The following ZNF610 variants were observed in gnomAD, a reference collection of about 807,000 sequenced individuals.
ZNF610 encodes zink finger protein.
ZNF610 carries 14 observed loss-of-function variants against 14.1 expected under a neutral mutation model. That is an observed-to-expected ratio of 0.99 (90% CI 0.65 to 1.55). ZNF610 has a LOEUF of 1.55. ZNF610 is among the 40% of genes most tolerant of loss of function. ZNF610 has a pLI of 0.00. For synonymous variants in ZNF610, 185 were observed against 187.6 expected, an observed-to-expected ratio of 0.99 and a Z score of 0.11; for missense variants, 530 against 558.0, an observed-to-expected ratio of 0.95 and a Z score of 0.51.
chr19:52,366,205 C>G lies in ZNF610; in HGVS notation c.827C>G (p.Ala276Gly). ...DKVFNRNSNL[A>G]RHQRIHTGEK... is the part of the protein sequence containing the mutation. ...GTGTTTAATCGCAATTCAAACCTTG[C>G]ACGACATCAAAGAATTCATACTGGA... Residue 276 changes from alanine (A) to glycine (G), a missense_variant, in exon 6 of 6, where the codon GCA becomes GGA. By Grantham distance (60) the Ala-to-Gly change is moderately conservative. Transcript: ENST00000403906. 6.2e-7 allele frequency: 1 copy of G among 1,613,828 alleles called. No homozygotes were observed. The highest frequency in any genetic ancestry group is 1.1e-5 in the South Asian group (1 of 91,014).
chr19:52,367,044 G>C lies in ZNF610; in HGVS notation c.*277G>C. 1 of 378,574 alleles carries C rather than the reference G, an allele frequency of 2.6e-6. No homozygotes were observed. The allele number at this position is 378,574 out of a possible 1,614,324, so 23.5% of individuals were successfully genotyped here. On this transcript the variant is annotated 3_prime_UTR_variant, in exon 6 of 6. Transcript: ENST00000403906. ...GAGTAGGATTCACATTTAACTGCTGGCACCGTAATTTGTAACTCTTTGATT... is the reference window on the plus strand; with the variant it reads ...GAGTAGGATTCACATTTAACTGCTGCCACCGTAATTTGTAACTCTTTGATT...
intron 5 of ZNF610, among the ~76,000 whole-genome samples, chr19:52,355,491 T>C (rs1256609331): frequency 6.6e-6 from 1 of 152,198 alleles, no homozygotes; most frequent in African/African-American, 2.4e-5. Context: ...TGTGTGGGGA[T>C]TTCTCCCCAT....
chr19:52,357,971 G>C (rs1299583597), intron 5 of ZNF610, among the ~76,000 whole-genome samples: 1 of 152,074 alleles, frequency 6.6e-6, no homozygotes. Context: ...TGTCAGCCTC[G>C]GGGTGTTCAG....
chr19:52,350,868 C>T (rs999581609), intron 3 of ZNF610, among the ~76,000 whole-genome samples: 1 of 150,540 alleles, frequency 6.6e-6, no homozygotes, highest in Non-Finnish European at 1.5e-5. Context: ...GGCATGGTGG[C>T]ACATGCCTGT....
chr19:52,353,623 C>A, intron 3 of ZNF610, 59 bp from the exon 4 acceptor site: 1 of 1,582,438 alleles, frequency 6.3e-7, no homozygotes, highest in Non-Finnish European at 8.6e-7. Flanking sequence ...TGTTTATCAA[C>A]TAAATTGAGT....
At chr19:52,357,302 A>G (rs180762589) in intron 5 of ZNF610, among the ~76,000 whole-genome samples, 48 of 152,256 alleles carry the variant, frequency 3.2e-4, no homozygotes, top group African/African-American at 1.1e-3. Flanking sequence ...GCATTACTTG[A>G]TCCCAGGAGT....
At chr19:52,361,955 C>T (rs1985804271) in intron 5 of ZNF610, among the ~76,000 whole-genome samples, 1 of 152,134 alleles carries the variant, frequency 6.6e-6, no homozygotes, top group Non-Finnish European at 1.5e-5. Context: ...AGGTCTCACT[C>T]TGTCTCCCAC....
chr19:52,353,663 A>G lies in ZNF610; in HGVS notation c.64-19A>G, dbSNP rs1313928459. ...TTTCTACATTTTTAGTGTTGTAAAC[A>G]ATGTGGTCCTCATTTTAGGGACGCT... On this transcript the variant is annotated intron_variant, in intron 3 of 5. Coordinates refer to ENST00000403906, the MANE Select transcript of ZNF610 (RefSeq NM_001161425.2). 1 of 1,613,006 alleles carries G rather than the reference A, an allele frequency of 6.2e-7. No individual in the cohort carries two copies. The highest frequency in any genetic ancestry group is 8.5e-7 in the Non-Finnish European group (1 of 1,179,470).
chr19:52,352,384 A>G (rs756465746), intron 3 of ZNF610, among the ~76,000 whole-genome samples: 3 of 151,902 alleles, frequency 2.0e-5, no homozygotes, highest in African/African-American at 4.8e-5. Flanking sequence ...GATTACAGGC[A>G]TGTGCCACCA....
At position 52,336,456 on chromosome 19, in the gene ZNF610, T is replaced by G. The variant is rs1369466149; in HGVS notation, c.-308T>G. 1.2e-5 allele frequency: 2 copies of G among 171,770 alleles called. No homozygotes were observed. Among genetic ancestry groups the G allele is most frequent in the Admixed American group, 6.5e-5 (1 of 15,342 alleles). The allele number at this position is 171,770 out of a possible 1,614,324, so 10.6% of individuals were successfully genotyped here. On this transcript the variant is annotated 5_prime_UTR_variant, in exon 1 of 6. Transcript: ENST00000403906. ...GTCCGGCGCTCGCTTCCCTGTGTGT[T>G]AAAATCGCTCGGCGACGGGTCCTGT...
intron 5 of ZNF610, among the ~76,000 whole-genome samples, chr19:52,356,246 G>A (rs1275795871): frequency 6.6e-6 from 1 of 152,166 alleles, no homozygotes; most frequent in Admixed American, 6.6e-5. Context: ...CAGGGGAGTA[G>A]GTGGCTCTTC....
At chr19:52,358,518 T>A (rs1292953529) in intron 5 of ZNF610, among the ~76,000 whole-genome samples, 1 of 152,240 alleles carries the variant, frequency 6.6e-6, no homozygotes, top group East Asian at 1.9e-4. Flanking sequence ...ACTGGTTTTC[T>A]GATTTGTAGG....
At chr19:52,348,493 C>G (rs540278816) in intron 2 of ZNF610, among the ~76,000 whole-genome samples, 1 of 151,704 alleles carries the variant, frequency 6.6e-6, no homozygotes, top group African/African-American at 2.4e-5. Flanking sequence ...AGTGTAGACT[C>G]TATCTGCTCA....
chr19:52,365,181 G>C (rs1015399337), intron 5 of ZNF610, among the ~76,000 whole-genome samples: 1 of 151,300 alleles, frequency 6.6e-6, no homozygotes, highest in Non-Finnish European at 1.5e-5. Context: ...AGGTTGCAGT[G>C]AGCTGAGGTG....
chr19:52,354,830 C>T (rs1186634768), intron 5 of ZNF610, among the ~76,000 whole-genome samples: 1 of 152,042 alleles, frequency 6.6e-6, no homozygotes, highest in Non-Finnish European at 1.5e-5. Flanking sequence ...CTGCCTGCCT[C>T]AGCCTCCCAA....
chr19:52,352,610 T>A (rs1985311066), intron 3 of ZNF610, among the ~76,000 whole-genome samples: 1 of 152,188 alleles, frequency 6.6e-6, no homozygotes, highest in Non-Finnish European at 1.5e-5. Flanking sequence ...TACAATCCTG[T>A]CATTCGTTAG....
chr19:52,357,229 G>T (rs746602994), intron 5 of ZNF610, among the ~76,000 whole-genome samples: 1 of 152,104 alleles, frequency 6.6e-6, no homozygotes, highest in Non-Finnish European at 1.5e-5. Context: ...TATTTTAAAG[G>T]CTCCAGGCCC....
At chr19:52,333,408 A>AAC (rs1568641605), upstream of ZNF610, among the ~76,000 whole-genome samples, 3 of 152,054 alleles carry the variant, frequency 2.0e-5, no homozygotes, top group African/African-American at 7.3e-5. Flanking sequence ...AAAGCCTAAG[A>AAC]AAGTACAACA....
upstream of ZNF610, among the ~76,000 whole-genome samples, chr19:52,332,412 A>T (rs1984235476): frequency 6.6e-6 from 1 of 152,208 alleles, no homozygotes; most frequent in African/African-American, 2.4e-5. The surrounding 1 kb of genome is among the most constrained non-coding windows in gnomAD (Gnocchi z 4.1). Context: ...TTGATTCTTC[A>T]GTTTTTTCCA....
Sources: gnomAD v4.1 joint callset for allele counts (sites outside exome capture counted in the v4.1 genomes callset) on GRCh38, gnomAD v4.1.1 for gene constraint, Gnocchi (gnomAD v3.1) non-coding constraint, MANE v1.5 for transcripts, NCBI Gene and HGNC (gene_info 2026-07-23, HGNC 2026-07-21) for gene names.